Variants in PYGO1 observed in about 807,000 individuals in gnomAD.
The protein encoded by PYGO1 is pygopus homolog 1.
Under a neutral mutation model 29.5 loss-of-function variants are expected in PYGO1, and 6 were observed. That is an observed-to-expected ratio of 0.20 (90% CI 0.11 to 0.40). PYGO1 has a LOEUF of 0.40. Among genes scored for constraint, PYGO1 ranks in the 10% least tolerant of loss-of-function variants. PYGO1 has a pLI of 1.00. For missense variants in PYGO1, 515 were observed against 514.9 expected, an observed-to-expected ratio of 1.00 and a Z score of 0.00; for synonymous variants, 186 against 180.5, an observed-to-expected ratio of 1.03 and a Z score of -0.24.
intron 1 of PYGO1, among the ~76,000 whole-genome samples, chr15:55,560,966 CA>C (rs2058930414): frequency 6.6e-6 from 1 of 151,944 alleles, no homozygotes; most frequent in African/African-American, 2.4e-5. Context: ...AACAAACAAA[CA>C]AACAAACAAA....
At chr15:55,562,273 A>G (rs997786659) in intron 1 of PYGO1, among the ~76,000 whole-genome samples, 1 of 152,244 alleles carries the variant, frequency 6.6e-6, no homozygotes, top group Admixed American at 6.5e-5. Context: ...TGTGGAAGAA[A>G]GTGTGGTGAT....
chr15:55,578,291 A>C (rs1290887520), intron 1 of PYGO1, among the ~76,000 whole-genome samples: 1 of 152,138 alleles, frequency 6.6e-6, no homozygotes, highest in East Asian at 1.9e-4. Context: ...ATTATGAATA[A>C]TACTTCTATA....
At chr15:55,559,017 C>T (rs1402339361) in intron 1 of PYGO1, among the ~76,000 whole-genome samples, 1 of 151,854 alleles carries the variant, frequency 6.6e-6, no homozygotes, top group South Asian at 2.1e-4. Flanking sequence ...TTCTGCACAG[C>T]AAAAGAAACT....
chr15:55,571,342 T>G (rs2141668680), intron 1 of PYGO1, among the ~76,000 whole-genome samples: 1 of 152,318 alleles, frequency 6.6e-6, no homozygotes, highest in East Asian at 1.9e-4. Context: ...AATACCTCTT[T>G]GAGACTCTAT....
Position 55,544,002 on chromosome 15 carries a change from GC to G in PYGO1, c.*2020del, listed in dbSNP as rs1174283166. The G allele has an allele frequency of 6.6e-6, 1 of 152,054 alleles. No individual in the cohort carries two copies. Among genetic ancestry groups the G allele is most frequent in the Admixed American group, 6.5e-5 (1 of 15,268 alleles). 9.4% of individuals were successfully genotyped at this position (152,054 alleles called of 1,614,324 possible). A position where few individuals can be genotyped will look rare whatever the true frequency, so the allele number is the denominator to read the frequency against. On this transcript the variant is annotated 3_prime_UTR_variant, in exon 3 of 3. Transcript: ENST00000563719. ...AGCCCAAAATACTGCATTTTAACCT[GC>G]TTCAACTGGTAAAGTTTTCACACAA...
Position 55,557,163 on chromosome 15 carries a change from C to T in PYGO1, c.50-8168G>A, listed in dbSNP as rs188385318. 1.6e-4 allele frequency among the ~76,000 whole-genome samples: 24 copies of T among 152,208 alleles called. 1 individual carries two copies. The highest frequency in any genetic ancestry group is 1.4e-3 in the Admixed American group (22 of 15,274). ...CAATAAAAAATGATAAAGGGGATAT[C>T]ACCACCGATCCCACAGAAATACAAA... is the stretch of plus-strand genomic sequence containing the variant. On this transcript the variant is annotated intron_variant, in intron 1 of 2. Transcript: ENST00000563719.
chr15:55,552,735 C>G (rs2058885039), intron 1 of PYGO1, among the ~76,000 whole-genome samples: 1 of 152,152 alleles, frequency 6.6e-6, no homozygotes, highest in African/African-American at 2.4e-5. Context: ...TATGCAGAGT[C>G]TCAGTAGAGC....
At chr15:55,580,799 T>A (rs992988326) in intron 1 of PYGO1, among the ~76,000 whole-genome samples, 32 of 152,186 alleles carry the variant, frequency 2.1e-4, no homozygotes, top group African/African-American at 7.0e-4. Context: ...ATTTTGATGT[T>A]AAAGATGACT....
chr15:55,587,710 C>G (rs1016945902), intron 1 of PYGO1, 125 bp downstream of exon 1: 7 of 1,192,826 alleles, frequency 5.9e-6, no homozygotes, highest in Admixed American at 8.9e-5. Flanking sequence ...CCCGGGGTGC[C>G]GGCGGGACGC....
At chr15:55,577,051 A>G (rs2059006008) in intron 1 of PYGO1, among the ~76,000 whole-genome samples, 1 of 152,142 alleles carries the variant, frequency 6.6e-6, no homozygotes, top group African/African-American at 2.4e-5. Flanking sequence ...CTCACAAGGA[A>G]GAGTTCTGTT....
At chr15:55,565,974 G>A (rs550164202) in intron 1 of PYGO1, among the ~76,000 whole-genome samples, 7 of 152,116 alleles carry the variant, frequency 4.6e-5, no homozygotes, top group Non-Finnish European at 8.8e-5. Flanking sequence ...TAGAGACAGC[G>A]GTTCTACCAT....
At chr15:55,558,608 C>T (rs1163295579) in intron 1 of PYGO1, among the ~76,000 whole-genome samples, 3 of 151,972 alleles carry the variant, frequency 2.0e-5, no homozygotes, top group Non-Finnish European at 4.4e-5. Context: ...CACTACAAGG[C>T]TACAGTAAGC....
In PYGO1 at chr15:55,539,985, A is replaced by G. The variant is rs1233260358; in HGVS notation, c.*6038T>C. The G allele has an allele frequency of 6.6e-6, 1 of 152,096 alleles. No individual in the cohort carries two copies. Among genetic ancestry groups the G allele is most frequent in the Non-Finnish European group, 1.5e-5 (1 of 67,938 alleles). The allele number at this position is 152,096 out of a possible 1,614,324, so 9.4% of individuals were successfully genotyped here. A position where few individuals can be genotyped will look rare whatever the true frequency, so the allele number is the denominator to read the frequency against. ...TTCATTTTTTTCTTTCAAGTGTATGATTTCAAATGTACAAATTTGCATTGG... is the reference window on the plus strand; with the variant it reads ...TTCATTTTTTTCTTTCAAGTGTATGGTTTCAAATGTACAAATTTGCATTGG... On this transcript the variant is annotated 3_prime_UTR_variant, in exon 3 of 3. Transcript: ENST00000563719.
chr15:55,582,496 CT>C (rs2059029411), intron 1 of PYGO1, among the ~76,000 whole-genome samples: 1 of 152,144 alleles, frequency 6.6e-6, no homozygotes, highest in South Asian at 2.1e-4. Context: ...TTTTCAGCGT[CT>C]TTTTCCCCCC....
intron 1 of PYGO1, among the ~76,000 whole-genome samples, chr15:55,553,772 G>A (rs1299067700): frequency 6.6e-6 from 1 of 152,024 alleles, no homozygotes; most frequent in African/African-American, 2.4e-5. Context: ...AAGCACTCAA[G>A]CCAGCAATAG....
chr15:55,586,050 T>C (rs1056937138), intron 1 of PYGO1, among the ~76,000 whole-genome samples: 1 of 146,504 alleles, frequency 6.8e-6, no homozygotes, highest in African/African-American at 2.4e-5. Flanking sequence ...CAAAATACTC[T>C]TGAGTGGATG....
At chr15:55,562,993 G>T (rs1215427193) in intron 1 of PYGO1, among the ~76,000 whole-genome samples, 1 of 152,064 alleles carries the variant, frequency 6.6e-6, no homozygotes, top group Admixed American at 6.6e-5. Flanking sequence ...GGGCCTGTCG[G>T]GGGGAGCGGG....
rs1366240819 is a variant in PYGO1, at chr15:55,543,532, T to C, written c.*2491A>G. 6.6e-6 allele frequency: 1 copy of C among 152,186 alleles called. No individual in the cohort carries two copies. Among genetic ancestry groups the C allele is most frequent in the Non-Finnish European group, 1.5e-5 (1 of 68,030 alleles). 9.4% of individuals were successfully genotyped at this position (152,186 alleles called of 1,614,324 possible). A position where few individuals can be genotyped will look rare whatever the true frequency, so the allele number is the denominator to read the frequency against. On this transcript the variant is annotated 3_prime_UTR_variant, in exon 3 of 3. Transcript: ENST00000563719. ...TAAAAATTCACCTGTTTGTAGGTTT[T>C]TAAAAACAACTATGTGGAAATAGAA...
intron 1 of PYGO1, among the ~76,000 whole-genome samples, chr15:55,584,408 G>A (rs1379979762): frequency 2.6e-5 from 4 of 152,164 alleles, no homozygotes; most frequent in Non-Finnish European, 5.9e-5. Context: ...ACTGCGCCCA[G>A]CCAGGTGTCA....
Sources: gnomAD v4.1 joint callset for allele counts (sites outside exome capture counted in the v4.1 genomes callset) on GRCh38, gnomAD v4.1.1 for gene constraint, MANE v1.5 for transcripts, NCBI Gene and HGNC (gene_info 2026-07-23, HGNC 2026-07-21) for gene names.